Variants in UBTD1 observed in about 807,000 individuals in gnomAD.
The protein encoded by UBTD1 is ubiquitin domain-containing protein 1.
In UBTD1, 19 loss-of-function variants were observed where a neutral mutation model predicts 21.7. The observed-to-expected ratio is 0.87, with a 90% CI of 0.61 to 1.28. The LOEUF is 1.28. UBTD1 is among the 50% of genes most tolerant of loss of function. The pLI is 0.00. For synonymous variants in UBTD1, 116 were observed against 135.1 expected (o/e 0.86, Z 0.98); for missense variants, 282 against 315.1 (o/e 0.89, Z 0.80).
At chr10:97,535,771 A>C (rs2040557306) in intron 1 of UBTD1, among the ~76,000 whole-genome samples, 1 of 151,720 alleles carries the variant, frequency 6.6e-6, no homozygotes, top group East Asian at 1.9e-4. Flanking sequence ...TTTTTTAATT[A>C]GCTAGGTGCA....
intron 1 of UBTD1, among the ~76,000 whole-genome samples, chr10:97,532,997 T>C (rs541418766): frequency 6.6e-6 from 1 of 151,230 alleles, no homozygotes; most frequent in East Asian, 1.9e-4. Context: ...GGAGGAGGAG[T>C]GCTTTGCATC....
Position 97,499,035 on chromosome 10 carries a change from C to A in UBTD1, c.-169C>A. 1.4e-6 allele frequency: 1 copy of A among 730,788 alleles called. No homozygotes were observed. The highest frequency in any genetic ancestry group is 2.0e-5 in the South Asian group (1 of 49,388). The allele number at this position is 730,788 out of a possible 1,614,324, so 45.3% of individuals were successfully genotyped here. ...TCTGCCACTTCCCTCTCTCCCCTGG[C>A]CCGCAAAGTTTTGGCGGAGCCATCG... On this transcript the variant is annotated 5_prime_UTR_variant, in exon 1 of 3. Coordinates refer to ENST00000370664, the MANE Select transcript of UBTD1 (RefSeq NM_024954.5).
chr10:97,561,530 C>T (rs890245127), intron 1 of UBTD1, among the ~76,000 whole-genome samples: 6 of 152,120 alleles, frequency 3.9e-5, no homozygotes, highest in Non-Finnish European at 8.8e-5. Flanking sequence ...CGGTATGTGA[C>T]AGGGGATGCA....
chr10:97,543,502 G>C (rs79881114), intron 1 of UBTD1, among the ~76,000 whole-genome samples: 1 of 152,184 alleles, frequency 6.6e-6, no homozygotes, highest in Non-Finnish European at 1.5e-5. Context: ...TTGTGTGTGC[G>C]CTTCACACTT....
chr10:97,568,039 G>A lies in UBTD1; in HGVS notation c.196G>A (p.Glu66Lys). The part of the protein sequence containing the change: ...DTAPAFEGRK[E>K]IWDALKAAAY... ...AGCGCCTGCCTTCGAGGGCCGCAAG[G>A]AGATCTGGGATGCCCTCAAGGCTGC... Residue 66 changes from glutamate (E) to lysine (K), a missense_variant, in exon 2 of 3, where the codon GAG becomes AAG. Coordinates refer to ENST00000370664, the MANE Select transcript of UBTD1 (RefSeq NM_024954.5). 6.2e-7 allele frequency: 1 copy of A among 1,613,998 alleles called. No homozygotes were observed. The highest frequency in any genetic ancestry group is 8.5e-7 in the Non-Finnish European group (1 of 1,180,040).
At chr10:97,522,183 G>C (rs2040469451) in intron 1 of UBTD1, among the ~76,000 whole-genome samples, 1 of 152,242 alleles carries the variant, frequency 6.6e-6, no homozygotes, top group Non-Finnish European at 1.5e-5. Flanking sequence ...AGCCTGAAAG[G>C]TCATGTCCAG....
intron 1 of UBTD1, among the ~76,000 whole-genome samples, chr10:97,524,273 T>A (rs111951384): frequency 0.014 from 2,025 of 140,938 alleles, 36 homozygotes; most frequent in African/African-American, 0.052. Context: ...TTTTGTATGT[T>A]TTTGTAGGGA....
intron 1 of UBTD1, among the ~76,000 whole-genome samples, chr10:97,540,940 G>T (rs1033830996): frequency 1.3e-5 from 2 of 152,190 alleles, no homozygotes; most frequent in African/African-American, 2.4e-5. Flanking sequence ...CTTGTGTCCT[G>T]GGCTGGAGGC....
intron 1 of UBTD1, among the ~76,000 whole-genome samples, chr10:97,559,111 A>G (rs11189278): frequency 0.27 from 41,306 of 152,174 alleles, 5,899 homozygotes; most frequent in East Asian, 0.49. Context: ...CCTCCCTGCC[A>G]TGAGAGACAC....
rs1371690890 is a variant in UBTD1 at position 97,499,014 on chromosome 10, C to A, written c.-190C>A. 1 of 622,576 alleles carries A rather than the reference C, an allele frequency of 1.6e-6. No homozygotes were observed. The highest frequency in any genetic ancestry group is 2.6e-6 in the Non-Finnish European group (1 of 379,384). The allele number at this position is 622,576 out of a possible 1,614,324, so 38.6% of individuals were successfully genotyped here. ...ACCTGGGACCGTGCTGGGGAGTCTG[C>A]CACTTCCCTCTCTCCCCTGGCCCGC... On this transcript the variant is annotated 5_prime_UTR_variant, in exon 1 of 3. Transcript: ENST00000370664.
intron 1 of UBTD1, among the ~76,000 whole-genome samples, chr10:97,535,338 T>G (rs976129622): frequency 7.2e-5 from 11 of 152,236 alleles, no homozygotes; most frequent in African/African-American, 2.6e-4. Flanking sequence ...TTACTTGGCC[T>G]GGTGTGGTGG....
At chr10:97,517,981 A>T (rs914921399) in intron 1 of UBTD1, among the ~76,000 whole-genome samples, 4 of 152,252 alleles carry the variant, frequency 2.6e-5, no homozygotes, top group African/African-American at 9.6e-5. Context: ...GGGGACAGAC[A>T]CACCCCATTT....
At chr10:97,500,186 AGG>A (rs2040354698) in intron 1 of UBTD1, among the ~76,000 whole-genome samples, 1 of 152,238 alleles carries the variant, frequency 6.6e-6, no homozygotes, top group Non-Finnish European at 1.5e-5. Context: ...ACAGCTAGTT[AGG>A]AGCTCACCTG....
chr10:97,556,809 G>T (rs1249561992), intron 1 of UBTD1, among the ~76,000 whole-genome samples: 1 of 152,220 alleles, frequency 6.6e-6, no homozygotes, highest in African/African-American at 2.4e-5. Flanking sequence ...TCCAGTCCCA[G>T]TGGAATTCTG....
chr10:97,544,628 T>C (rs1213627003), intron 1 of UBTD1, among the ~76,000 whole-genome samples: 1 of 152,192 alleles, frequency 6.6e-6, no homozygotes, highest in African/African-American at 2.4e-5. Context: ...TTAACACATA[T>C]TTTGTATATT....
chr10:97,499,069 G>T lies in UBTD1; in HGVS notation c.-135G>T. 1 of 1,016,388 alleles carries T rather than the reference G, an allele frequency of 9.8e-7. No individual in the cohort carries two copies. Among genetic ancestry groups the T allele is most frequent in the South Asian group, 1.8e-5 (1 of 56,660 alleles). 63.0% of individuals were successfully genotyped at this position (1,016,388 alleles called of 1,614,324 possible). On this transcript the variant is annotated 5_prime_UTR_variant, in exon 1 of 3. Coordinates refer to ENST00000370664, the MANE Select transcript of UBTD1 (RefSeq NM_024954.5). The stretch of plus-strand genomic sequence containing the variant: ...TTTTGGCGGAGCCATCGCTGGGGCT[G>T]AGCGCGCCCCCGGGGGGAGATCGGG...
intron 1 of UBTD1, among the ~76,000 whole-genome samples, chr10:97,519,370 A>C (rs1440564107): frequency 6.6e-6 from 1 of 152,248 alleles, no homozygotes; most frequent in Non-Finnish European, 1.5e-5. Flanking sequence ...CTACAGAGGA[A>C]GAAATAATAG....
intron 1 of UBTD1, among the ~76,000 whole-genome samples, chr10:97,523,089 A>G (rs2040473362): frequency 6.6e-6 from 1 of 152,086 alleles, no homozygotes; most frequent in African/African-American, 2.4e-5. Flanking sequence ...CGGGCTGTGC[A>G]CCCATATCAC....
intron 1 of UBTD1, among the ~76,000 whole-genome samples, chr10:97,557,272 C>T (rs768964935): frequency 6.6e-6 from 1 of 152,082 alleles, no homozygotes; most frequent in African/African-American, 2.4e-5. Flanking sequence ...TTCTGGAGAG[C>T]GTTTTTGAAC....
Sources: gnomAD v4.1 joint callset for allele counts (sites outside exome capture counted in the v4.1 genomes callset) on GRCh38, gnomAD v4.1.1 for gene constraint, MANE v1.5 for transcripts, NCBI Gene and HGNC (gene_info 2026-07-23, HGNC 2026-07-21) for gene names.